Variants in LHFPL3 observed in about 807,000 individuals in gnomAD.
LHFPL3 encodes the protein LHFPL tetraspan subfamily member 3.
In LHFPL3, 5 loss-of-function variants were observed where a neutral mutation model predicts 19.3. The observed-to-expected ratio is 0.26, with a 90% CI of 0.14 to 0.54. The LOEUF (loss-of-function observed/expected upper bound fraction) is 0.54. Ranked by LOEUF, LHFPL3 falls within the 20% of genes least tolerant of loss-of-function variation. The pLI is 0.94. For missense variants in LHFPL3, 249 were observed against 307.4 expected (o/e 0.81, Z 1.42); for synonymous variants, 133 against 126.2 (o/e 1.05, Z -0.36).
chr7:104,362,656 T>A (rs565491478), intron 1 of LHFPL3, among the ~76,000 whole-genome samples: 1 of 152,136 alleles, frequency 6.6e-6, no homozygotes, highest in Non-Finnish European at 1.5e-5. Context: ...GAGAGGGGAA[T>A]TGCAACAGAG....
chr7:104,534,113 T>A (rs1195090621), intron 1 of LHFPL3, among the ~76,000 whole-genome samples: 1 of 152,202 alleles, frequency 6.6e-6, no homozygotes, highest in Non-Finnish European at 1.5e-5. Context: ...TCAAACAGCT[T>A]CCTAACGGTC....
chr7:104,895,680 G>C (rs10247369), intron 2 of LHFPL3: 87,765 of 151,994 alleles, frequency 0.58, 25,708 homozygotes, highest in African/African-American at 0.65. Context: ...CTTTTCAGTG[G>C]GGGGAGTGGG....
intron 2 of LHFPL3, among the ~76,000 whole-genome samples, chr7:104,762,164 C>T (rs1311822553): frequency 6.6e-6 from 1 of 152,132 alleles, no homozygotes; most frequent in Non-Finnish European, 1.5e-5. Flanking sequence ...AGAGGGTTAA[C>T]ATCCAGGACC....
chr7:104,427,767 T>C (rs1791876978), intron 1 of LHFPL3, among the ~76,000 whole-genome samples: 4 of 152,218 alleles, frequency 2.6e-5, no homozygotes, highest in Non-Finnish European at 4.4e-5. Context: ...CTAGTTCAAA[T>C]TGAAAACATC....
chr7:104,611,432 G>A (rs191488266), intron 1 of LHFPL3, among the ~76,000 whole-genome samples: 4 of 152,316 alleles, frequency 2.6e-5, no homozygotes, highest in East Asian at 1.9e-4. Flanking sequence ...AGGAAATACA[G>A]CATGGCACAC....
At chr7:104,893,663 T>C (rs1406622870) in intron 2 of LHFPL3, among the ~76,000 whole-genome samples, 1 of 152,112 alleles carries the variant, frequency 6.6e-6, no homozygotes, top group African/African-American at 2.4e-5. Context: ...TTAAATGCTA[T>C]TCACTGGGCT....
intron 1 of LHFPL3, among the ~76,000 whole-genome samples, chr7:104,362,987 C>T (rs140628776): frequency 6.6e-6 from 1 of 152,376 alleles, no homozygotes; most frequent in African/African-American, 2.4e-5. Flanking sequence ...TTTTACAATG[C>T]TAATGTTCTC....
chr7:104,430,383 CATATATATAT>C (rs1176189742), intron 1 of LHFPL3, among the ~76,000 whole-genome samples: 1 of 39,702 alleles, frequency 2.5e-5, no homozygotes, highest in Non-Finnish European at 4.0e-5. Flanking sequence ...TATATATATA[CATATATATAT>C]ATATATATAT....
chr7:104,699,551 A>G (rs1364046333), intron 1 of LHFPL3, among the ~76,000 whole-genome samples: 1 of 152,190 alleles, frequency 6.6e-6, no homozygotes, highest in South Asian at 2.1e-4. Flanking sequence ...AGAAAGGAGA[A>G]TGGGGAATTA....
intron 2 of LHFPL3, among the ~76,000 whole-genome samples, chr7:104,818,204 T>C (rs942272030): frequency 6.6e-6 from 1 of 152,198 alleles, no homozygotes; most frequent in Non-Finnish European, 1.5e-5. Flanking sequence ...TTCATTTTCC[T>C]GTTCTATTTT....
At chr7:104,905,203 G>A (rs1365232413) in intron 2 of LHFPL3, among the ~76,000 whole-genome samples, 2 of 151,914 alleles carry the variant, frequency 1.3e-5, no homozygotes, top group South Asian at 2.1e-4. Context: ...AGATCCTCCC[G>A]CCTCAGCTTC....
At chr7:104,365,033 C>A (rs1175868188) in intron 1 of LHFPL3, among the ~76,000 whole-genome samples, 2 of 152,146 alleles carry the variant, frequency 1.3e-5, no homozygotes, top group African/African-American at 4.8e-5. Context: ...GGTGTGGTGG[C>A]TCACACCTGT....
intron 1 of LHFPL3, among the ~76,000 whole-genome samples, chr7:104,540,497 G>A (rs1794465768): frequency 6.6e-6 from 1 of 152,166 alleles, no homozygotes; most frequent in Admixed American, 6.5e-5. Context: ...GGCCCCAAAT[G>A]TCAATAGTGC....
At chr7:104,851,728 G>A (rs1015528750) in intron 2 of LHFPL3, among the ~76,000 whole-genome samples, 2 of 152,078 alleles carry the variant, frequency 1.3e-5, no homozygotes, top group Non-Finnish European at 2.9e-5. Flanking sequence ...TGTACCCCAA[G>A]AGAACTAAAG....
At chr7:104,716,713 T>C (rs61641570) in intron 1 of LHFPL3, among the ~76,000 whole-genome samples, 1,615 of 152,288 alleles carry the variant, frequency 0.011, 33 homozygotes, top group African/African-American at 0.036. Context: ...TGTTTATGGA[T>C]TGGAAGATTT....
chr7:104,415,711 C>G (rs1222583619), intron 1 of LHFPL3, among the ~76,000 whole-genome samples: 1 of 152,104 alleles, frequency 6.6e-6, no homozygotes, highest in Non-Finnish European at 1.5e-5. Flanking sequence ...TATTTTTGTA[C>G]TTCTAAATAG....
At chr7:104,622,209 C>A (rs1345384630) in intron 1 of LHFPL3, among the ~76,000 whole-genome samples, 3 of 152,140 alleles carry the variant, frequency 2.0e-5, no homozygotes, top group South Asian at 4.1e-4. Context: ...TTGGGCTCAG[C>A]CAGTCCTCTC....
intron 1 of LHFPL3, among the ~76,000 whole-genome samples, chr7:104,684,075 T>C (rs1440386646): frequency 6.6e-6 from 1 of 152,248 alleles, no homozygotes; most frequent in African/African-American, 2.4e-5. Flanking sequence ...AGCTTGTTAA[T>C]TTATAACTCT....
chr7:104,830,256 G>A (rs1381246143), intron 2 of LHFPL3, among the ~76,000 whole-genome samples: 14 of 151,962 alleles, frequency 9.2e-5, no homozygotes, highest in East Asian at 3.9e-4. Context: ...GGTAGGTTGC[G>A]AAAATTTTCT....
Sources: gnomAD v4.1 joint callset for allele counts (sites outside exome capture counted in the v4.1 genomes callset) on GRCh38, gnomAD v4.1.1 for gene constraint, MANE v1.5 for transcripts, NCBI Gene and HGNC (gene_info 2026-07-23, HGNC 2026-07-21) for gene names.